GFOD1: variants seen among roughly 807,000 people sequenced by gnomAD.
GFOD1 encodes the protein glucose-fructose oxidoreductase domain-containing protein 1.
GFOD1 carries 9 observed loss-of-function variants against 25.4 expected under a neutral mutation model. That is an observed-to-expected ratio of 0.35 (90% CI 0.21 to 0.62). GFOD1 has a LOEUF of 0.62. Among genes scored for constraint, GFOD1 ranks in the 20% least tolerant of loss-of-function variants. GFOD1 has a pLI of 0.72. For synonymous variants in GFOD1, 253 were observed against 245.6 expected (o/e 1.03, Z -0.28); for missense variants, 403 against 556.9 (o/e 0.72, Z 2.78).
chr6:13,431,939 T>C (rs934549200), intron 1 of GFOD1, among the ~76,000 whole-genome samples: 1 of 152,180 alleles, frequency 6.6e-6, no homozygotes, highest in African/African-American at 2.4e-5. Context: ...AGCAATTCTC[T>C]CCACCCTCGG....
intron 1 of GFOD1, chr6:13,470,287 A>T: frequency 6.3e-7 from 1 of 1,588,130 alleles, no homozygotes. Context: ...CCATGCCAGC[A>T]GGCTGTGGCT....
chr6:13,392,668 C>T (rs904997127), intron 1 of GFOD1, among the ~76,000 whole-genome samples: 1 of 152,026 alleles, frequency 6.6e-6, no homozygotes, highest in Non-Finnish European at 1.5e-5. Context: ...TCTCAGATAA[C>T]TGACTCTTGT....
chr6:13,477,267 C>T (rs1006032506), intron 1 of GFOD1, among the ~76,000 whole-genome samples: 2 of 132,602 alleles, frequency 1.5e-5, no homozygotes, highest in African/African-American at 5.3e-5. Context: ...ATGAGAGATT[C>T]GTTTTAAGGA....
At chr6:13,469,971 T>C in intron 1 of GFOD1, 5 of 1,308,648 alleles carry the variant, frequency 3.8e-6, no homozygotes, top group Non-Finnish European at 5.0e-6. Flanking sequence ...AGATGATGAG[T>C]TCTCTCAGAG....
intron 1 of GFOD1, among the ~76,000 whole-genome samples, chr6:13,455,255 T>G (rs1351740596): frequency 6.6e-6 from 1 of 152,190 alleles, no homozygotes; most frequent in African/African-American, 2.4e-5. Flanking sequence ...CAACCCGAAC[T>G]GAGTTTTGTG....
chr6:13,414,788 A>C (rs187850339), intron 1 of GFOD1, among the ~76,000 whole-genome samples: 1 of 152,382 alleles, frequency 6.6e-6, no homozygotes, highest in East Asian at 1.9e-4. Context: ...CTGAGTCCAA[A>C]GACAGATTAT....
intron 1 of GFOD1, chr6:13,469,542 TG>T (rs1758441740): frequency 9.6e-7 from 1 of 1,043,576 alleles, no homozygotes; most frequent in African/African-American, 1.7e-5. Context: ...CACATTATAC[TG>T]GAAAACACAT....
rs1784937166 is a variant in GFOD1 at position 13,360,891 on chromosome 6, G to A, written c.*3852C>T. The A allele has an allele frequency of 2.2e-6, 1 of 456,464 alleles. No homozygotes were observed. Among genetic ancestry groups the A allele is most frequent in the African/African-American group, 2.0e-5 (1 of 50,082 alleles). The allele number at this position is 456,464 out of a possible 1,614,324, so 28.3% of individuals were successfully genotyped here. A position where few individuals can be genotyped will look rare whatever the true frequency, so the allele number is the denominator to read the frequency against. ...CCCACATCTCTTCCTGGGAGGCAGT[G>A]TGGTCTGGAGGAGAAGATTAAGGAT... On this transcript the variant is annotated 3_prime_UTR_variant, in exon 2 of 2. Coordinates refer to ENST00000379287, the MANE Select transcript of GFOD1 (RefSeq NM_018988.4).
intron 1 of GFOD1, among the ~76,000 whole-genome samples, chr6:13,475,719 AAAT>A (rs56303574): frequency 0.038 from 5,116 of 135,446 alleles, 322 homozygotes; most frequent in African/African-American, 0.13. Context: ...CTCCATCTCA[AAAT>A]AATAATAATA....
At chr6:13,378,842 C>T (rs750209612) in intron 1 of GFOD1, among the ~76,000 whole-genome samples, 24 of 152,234 alleles carry the variant, frequency 1.6e-4, no homozygotes, top group Middle Eastern at 3.4e-3. Context: ...CCAAAGCCTG[C>T]CCAAGAAAGG....
At chr6:13,415,334 C>T (rs1786145548) in intron 1 of GFOD1, among the ~76,000 whole-genome samples, 1 of 152,152 alleles carries the variant, frequency 6.6e-6, no homozygotes, top group South Asian at 2.1e-4. Context: ...GTTGGCCTGC[C>T]CTTCTGCCCC....
Position 13,486,804 on chromosome 6 carries a change from CT to C in GFOD1, c.86del (p.Lys29ArgfsTer18). The C allele has an allele frequency of 6.2e-7, 1 of 1,614,124 alleles. No homozygotes were observed. Among genetic ancestry groups the C allele is most frequent in the Non-Finnish European group, 8.5e-7 (1 of 1,180,024 alleles). On this transcript the variant is annotated frameshift_variant, in exon 1 of 2. Transcript: ENST00000379287. LOFTEE classifies it high-confidence loss of function. ...CTTCCTGCGTGCGGCCCCACAGCGC[CT>C]TCACCGCGAAGCCCTCGTCTTTCAG... Reference protein sequence around the residue: ...PLLKDEGFAVKALWGRTQEEA... With the variant: ...PLLKDEGFAVXALWGRTQEEA...
intron 1 of GFOD1, among the ~76,000 whole-genome samples, chr6:13,441,140 T>G (rs1757907437): frequency 6.6e-6 from 1 of 152,226 alleles, no homozygotes; most frequent in Non-Finnish European, 1.5e-5. Context: ...CCACAGAAGC[T>G]AGGGTAGTGC....
intron 1 of GFOD1, among the ~76,000 whole-genome samples, chr6:13,378,556 T>C (rs981321666): frequency 6.6e-6 from 1 of 152,142 alleles, no homozygotes; most frequent in African/African-American, 2.4e-5. Flanking sequence ...AAGATTATTA[T>C]CGAGAAAGAG....
chr6:13,378,436 A>C (rs1278038628), intron 1 of GFOD1, among the ~76,000 whole-genome samples: 2 of 152,216 alleles, frequency 1.3e-5, no homozygotes, highest in African/African-American at 2.4e-5. Flanking sequence ...AAGAACTGGA[A>C]AGCAAGAAGG....
At chr6:13,483,833 T>A (rs1458270811) in intron 1 of GFOD1, among the ~76,000 whole-genome samples, 1 of 152,164 alleles carries the variant, frequency 6.6e-6, no homozygotes, top group African/African-American at 2.4e-5. Flanking sequence ...AGGAGCAAAG[T>A]GACTCAGGTC....
chr6:13,472,235 C>T (rs1170096116), intron 1 of GFOD1, among the ~76,000 whole-genome samples: 8 of 152,206 alleles, frequency 5.3e-5, no homozygotes, highest in East Asian at 1.9e-4. Flanking sequence ...GAGATTTTAG[C>T]GGGGACACAG....
chr6:13,447,808 G>C (rs1365701028), intron 1 of GFOD1, among the ~76,000 whole-genome samples: 1 of 146,124 alleles, frequency 6.8e-6, no homozygotes, highest in Non-Finnish European at 1.5e-5. Flanking sequence ...TAGGGAAAAG[G>C]CATCAATCAA....
chr6:13,487,094 G>T lies in GFOD1; in HGVS notation c.-204C>A. 1 of 558,008 alleles carries T rather than the reference G, an allele frequency of 1.8e-6. No homozygotes were observed. Among genetic ancestry groups the T allele is most frequent in the Non-Finnish European group, 3.1e-6 (1 of 327,278 alleles). The allele number at this position is 558,008 out of a possible 1,614,324, so 34.6% of individuals were successfully genotyped here. On this transcript the variant is annotated 5_prime_UTR_variant, in exon 1 of 2. An upstream open reading frame in the 5' UTR gains an earlier in-frame stop. Coordinates refer to ENST00000379287, the MANE Select transcript of GFOD1 (RefSeq NM_018988.4). This position sits in a 1 kb window ranked among gnomAD's most constrained non-coding sequence, Gnocchi z 4.9. ...CAAGCTCGGGGCGCCTCAGAACGGT[G>T]ACTGCGGCAGTGTCCGCCACGCGGG...
Sources: gnomAD v4.1 joint callset for allele counts (sites outside exome capture counted in the v4.1 genomes callset) on GRCh38, gnomAD v4.1.1 for gene constraint, Gnocchi (gnomAD v3.1) non-coding constraint, MANE v1.5 for transcripts, NCBI Gene and HGNC (gene_info 2026-07-23, HGNC 2026-07-21) for gene names.